FAAH2: variants seen among roughly 807,000 people sequenced by gnomAD.
FAAH2 encodes fatty acid amide hydrolase 2, also known as fatty-acid amide hydrolase 2.
Under a neutral mutation model 36.9 loss-of-function variants are expected in FAAH2, and 60 were observed. That is an observed-to-expected ratio of 1.63 (90% CI 1.32 to 2.02). The LOEUF (loss-of-function observed/expected upper bound fraction) is 2.02, where lower values mean the gene tolerates loss of function less well. Among genes scored for constraint, FAAH2 ranks in the 30% most tolerant of loss-of-function variants. The pLI, the probability that FAAH2 is intolerant of heterozygous loss-of-function variation, is 0.00. For missense variants in FAAH2, 689 were observed against 397.5 expected (o/e 1.73, Z -6.23); for synonymous variants, 214 against 143.8 (o/e 1.49, Z -3.49).
At chrX:57,466,156 C>CTCTCTATATATATATATATA (rs1287266105) in intron 10 of FAAH2, among the ~76,000 whole-genome samples, 9 of 66,388 alleles carry the variant, frequency 1.4e-4, no homozygotes, top group South Asian at 1.1e-3. Context: ...CTCTCTCTCT[C>CTCTCTATATATATATATATA]TATATATATA....
At chrX:57,404,726 G>C (rs975245785) in intron 7 of FAAH2, among the ~76,000 whole-genome samples, 1 of 111,803 alleles carries the variant, frequency 8.9e-6, no homozygotes, top group African/African-American at 3.3e-5. Flanking sequence ...AGGAGGCAGG[G>C]AGAGGAGGAA....
At chrX:57,340,339 A>T (rs1010777776) in intron 4 of FAAH2, among the ~76,000 whole-genome samples, 1 of 111,853 alleles carries the variant, frequency 8.9e-6, no homozygotes, top group Non-Finnish European at 1.9e-5. Flanking sequence ...ACTGACTCGA[A>T]TATTAATCTC....
intron 7 of FAAH2, among the ~76,000 whole-genome samples, chrX:57,403,864 T>C (rs958762326): frequency 8.9e-6 from 1 of 112,467 alleles, no homozygotes; most frequent in African/African-American, 3.2e-5. Context: ...ATCTGCTGGG[T>C]TAACGGAATT....
the FAAH2 span, among the ~76,000 whole-genome samples, chrX:57,259,192 G>A: frequency 8.0e-5 from 9 of 111,866 alleles, no homozygotes; most frequent in South Asian, 3.3e-3. Context: ...AGCATGGATA[G>A]AGGTCTCCCA....
At chrX:57,422,601 G>A (rs1302126668) in intron 7 of FAAH2, among the ~76,000 whole-genome samples, 1 of 111,820 alleles carries the variant, frequency 8.9e-6, no homozygotes, top group African/African-American at 3.2e-5. Context: ...CTGATGGTCT[G>A]ACAGAGATTT....
upstream of FAAH2, among the ~76,000 whole-genome samples, chrX:57,284,305 CA>C (rs1486884786): frequency 9.0e-6 from 1 of 111,241 alleles, no homozygotes; most frequent in Non-Finnish European, 1.9e-5. Context: ...ACCCGGGAGG[CA>C]AAGGTTGCAA....
At chrX:57,145,422 A>T in the FAAH2 span, among the ~76,000 whole-genome samples, 1 of 110,542 alleles carries the variant, frequency 9.0e-6, no homozygotes, top group East Asian at 2.8e-4. Flanking sequence ...TTTTCTTGCT[A>T]ATTTGTTTGA....
chrX:57,264,508 C>T, the FAAH2 span, among the ~76,000 whole-genome samples: 1 of 112,172 alleles, frequency 8.9e-6, no homozygotes, highest in African/African-American at 3.2e-5. Context: ...GTCAAACTGG[C>T]TATAATTATA....
intron 2 of FAAH2, among the ~76,000 whole-genome samples, chrX:57,294,314 G>A (rs1946924131): frequency 8.9e-6 from 1 of 112,196 alleles, no homozygotes. Context: ...CTACAAAATA[G>A]TAGGAAGATA....
At chrX:57,231,681 T>G in the FAAH2 span, among the ~76,000 whole-genome samples, 1 of 111,976 alleles carries the variant, frequency 8.9e-6, no homozygotes, top group African/African-American at 3.2e-5. Flanking sequence ...ATAATTTGCC[T>G]TAGATAACAC....
At chrX:57,161,745 T>A in the FAAH2 span, among the ~76,000 whole-genome samples, 3 of 111,811 alleles carry the variant, frequency 2.7e-5, no homozygotes, top group African/African-American at 9.8e-5. Context: ...ATTTTGAGCC[T>A]ATGTGTGTCT....
At chrX:57,227,469 G>A in the FAAH2 span, among the ~76,000 whole-genome samples, 12 of 111,133 alleles carry the variant, frequency 1.1e-4, no homozygotes, top group African/African-American at 3.3e-4. Context: ...CTGGTACTGG[G>A]GGTTATCTGC....
chrX:57,245,202 C>G, the FAAH2 span, among the ~76,000 whole-genome samples: 1 of 111,888 alleles, frequency 8.9e-6, no homozygotes, highest in Non-Finnish European at 1.9e-5. Context: ...TATACATGCA[C>G]CCAATACAGG....
intron 5 of FAAH2, among the ~76,000 whole-genome samples, chrX:57,348,369 C>CATTGCT (rs901506398): frequency 9.0e-6 from 1 of 111,226 alleles, no homozygotes; most frequent in South Asian, 3.8e-4. Context: ...GGACATCTTA[C>CATTGCT]ATTGCTATTG....
intron 3 of FAAH2, among the ~76,000 whole-genome samples, chrX:57,313,574 A>G (rs1404978311): frequency 9.0e-6 from 1 of 111,555 alleles, no homozygotes; most frequent in African/African-American, 3.3e-5. Flanking sequence ...AGAAACCTTA[A>G]CAATGAGAAG....
the FAAH2 span, among the ~76,000 whole-genome samples, chrX:57,139,075 T>C: frequency 8.9e-6 from 1 of 112,438 alleles, no homozygotes; most frequent in Non-Finnish European, 1.9e-5. Flanking sequence ...TGATTTCACT[T>C]GCCCATTTTT....
Position 57,380,972 on chromosome X carries a change from T to C in FAAH2, c.939T>C (p.Asp313=), listed in dbSNP as rs1045529954. 8.3e-7 allele frequency: 1 copy of C among 1,202,777 alleles called. No individual in the cohort carries two copies. The highest frequency in any genetic ancestry group is 1.1e-6 in the Non-Finnish European group (1 of 891,383). Residue 313 remains aspartate, a synonymous_variant, in exon 7 of 11, where the codon GAT becomes GAC. Transcript: ENST00000374900. ...KDLKFYWMEH[D]GGSFLMSKVD... ...TAAAATTTTACTGGATGGAACATGA[T>C]GGAGGCTCATTTTTAATGTCCAAAG...
At chrX:57,384,599 G>T (rs2054960933) in intron 7 of FAAH2, among the ~76,000 whole-genome samples, 1 of 111,334 alleles carries the variant, frequency 9.0e-6, no homozygotes, top group African/African-American at 3.2e-5. Context: ...GGCCATCAGA[G>T]AAATGCAAAT....
chrX:57,449,907 C>T (rs1226063358), intron 10 of FAAH2, among the ~76,000 whole-genome samples: 1 of 111,778 alleles, frequency 8.9e-6, no homozygotes, highest in East Asian at 2.8e-4. Context: ...CTCAGATTAT[C>T]TGTCCGCCTT....
Sources: allele counts gnomAD v4.1 joint callset (sites outside exome capture counted in the v4.1 genomes callset), GRCh38; gene constraint gnomAD v4.1.1; transcripts MANE v1.5; gene names NCBI Gene and HGNC (gene_info 2026-07-23, HGNC 2026-07-21).